The following TENM2 variants were observed in gnomAD, a reference collection of about 807,000 sequenced individuals.
The protein encoded by TENM2 is teneurin transmembrane protein 2, also known as teneurin-2.
Under a neutral mutation model 245.2 loss-of-function variants are expected in TENM2, and 52 were observed. The observed-to-expected ratio is 0.21, with a 90% CI of 0.17 to 0.27. TENM2 has a LOEUF of 0.27. Ranked by LOEUF, TENM2 falls within the 10% of genes least tolerant of loss-of-function variation. The pLI is 1.00. For missense variants in TENM2, 3,046 were observed against 3,666.8 expected (o/e 0.83, Z 4.37); for synonymous variants, 1,363 against 1,438.9 (o/e 0.95, Z 1.19).
chr5:168,080,813 TG>T (rs1205170075), intron 7 of TENM2, among the ~76,000 whole-genome samples: 2 of 152,242 alleles, frequency 1.3e-5, no homozygotes, highest in Non-Finnish European at 2.9e-5. Flanking sequence ...TTATCATTTC[TG>T]TTCTTTTACA....
At chr5:167,720,645 A>T (rs562555887) in intron 2 of TENM2, among the ~76,000 whole-genome samples, 86 of 152,324 alleles carry the variant, frequency 5.6e-4, no homozygotes, top group African/African-American at 1.8e-3. Flanking sequence ...TTTTCTCTGA[A>T]ATATTGCATT....
intron 23 of TENM2, among the ~76,000 whole-genome samples, chr5:168,221,680 C>A (rs1261167891): frequency 1.3e-5 from 2 of 152,182 alleles, no homozygotes; most frequent in African/African-American, 4.8e-5. Flanking sequence ...TCCAGGACAT[C>A]CAACCGTGGA....
rs764332651 is a variant in TENM2 at position 168,244,629 on chromosome 5, C to T, written c.5730C>T (p.Ser1910=). ...CTGGGCTTCAGCGTGGGGCCATGAG[C>T]GAGAGGACAGACATCGACAAGCAAG... The change falls in exon 26 of 29, where the codon AGC becomes AGT. Residue 1910 remains serine (S), a synonymous_variant. Transcript: ENST00000518659. This position sits in a 1 kb window ranked among gnomAD's most constrained non-coding sequence, Gnocchi z 4.9. 14 of 1,584,434 alleles carry T rather than the reference C, an allele frequency of 8.8e-6. No individual in the cohort carries two copies. The highest frequency in any genetic ancestry group is 4.6e-5 in the South Asian group (4 of 87,820).
At chr5:167,336,114 A>G (rs1757737233) in intron 1 of TENM2, among the ~76,000 whole-genome samples, 1 of 150,514 alleles carries the variant, frequency 6.6e-6, no homozygotes, top group Non-Finnish European at 1.5e-5. Context: ...ACACATATAA[A>G]TGGTGCCTGC....
the TENM2 span, chr5:167,165,287 G>C: frequency 6.6e-6 from 1 of 152,186 alleles, no homozygotes; most frequent in African/African-American, 2.4e-5. Context: ...CATCAGAGTC[G>C]TGCAGTGACC....
At chr5:167,296,658 A>G (rs1182736436) in intron 1 of TENM2, 2 of 152,214 alleles carry the variant, frequency 1.3e-5, no homozygotes, top group African/African-American at 4.8e-5. Flanking sequence ...TTCAGGTGAC[A>G]CCAACAGCTG....
intron 2 of TENM2, among the ~76,000 whole-genome samples, chr5:167,751,954 A>G (rs560455230): frequency 5.0e-5 from 3 of 59,726 alleles, no homozygotes; most frequent in South Asian, 9.2e-4. Context: ...TGAAAATAAT[A>G]CACACACACA....
chr5:167,477,054 C>T (rs1281520066), intron 2 of TENM2, among the ~76,000 whole-genome samples: 1 of 152,090 alleles, frequency 6.6e-6, no homozygotes, highest in Non-Finnish European at 1.5e-5. Context: ...AGAACTAAAA[C>T]AATCATACAA....
chr5:167,932,693 T>C (rs909279197), intron 3 of TENM2, among the ~76,000 whole-genome samples: 3 of 152,138 alleles, frequency 2.0e-5, no homozygotes, highest in Admixed American at 2.0e-4. Context: ...AATTTTTTTT[T>C]CCTATGAAGA....
intron 2 of TENM2, among the ~76,000 whole-genome samples, chr5:167,385,691 T>C (rs1004292902): frequency 7.2e-5 from 11 of 151,996 alleles, no homozygotes; most frequent in South Asian, 4.1e-4. Context: ...CCAAAGTCCA[T>C]TGTGTCTTTC....
chr5:167,770,276 G>A (rs1763316492), intron 2 of TENM2, among the ~76,000 whole-genome samples: 1 of 152,098 alleles, frequency 6.6e-6, no homozygotes, highest in South Asian at 2.1e-4. Context: ...TTAAGAATGA[G>A]TATTCCAGAC....
intron 1 of TENM2, chr5:167,306,148 C>T (rs911854500): frequency 6.6e-6 from 1 of 152,118 alleles, no homozygotes; most frequent in African/African-American, 2.4e-5. Flanking sequence ...GTTGTTCAAA[C>T]GCTAAAGGCA....
chr5:167,404,132 A>G lies in TENM2; in HGVS notation c.502+28659A>G, dbSNP rs115154797. On this transcript the variant is annotated intron_variant, in intron 2 of 28. Transcript: ENST00000518659. Reference sequence around the variant, plus strand: ...ATTTTAAACCAATTTAACTCTCAAGATGTGCCATCTGTGCCTCTCCTCTTG... The same window carrying G: ...ATTTTAAACCAATTTAACTCTCAAGGTGTGCCATCTGTGCCTCTCCTCTTG... Among the ~76,000 whole-genome samples, 533 of 152,146 alleles carry G rather than the reference A, an allele frequency of 3.5e-3. 6 individuals carry two copies. The highest frequency in any genetic ancestry group is 0.012 in the African/African-American group (509 of 41,530).
the TENM2 span, among the ~76,000 whole-genome samples, chr5:167,226,875 A>G: frequency 6.6e-6 from 1 of 152,006 alleles, no homozygotes; most frequent in Non-Finnish European, 1.5e-5. Context: ...TGTTGGGTGC[A>G]TAAACATTTA....
chr5:167,123,155 A>T, the TENM2 span, among the ~76,000 whole-genome samples: 2 of 151,664 alleles, frequency 1.3e-5, no homozygotes, highest in African/African-American at 4.8e-5. Flanking sequence ...AAAAAAAAAA[A>T]AAAAATTAGC....
chr5:167,752,834 G>T (rs2150657033), intron 2 of TENM2, among the ~76,000 whole-genome samples: 1 of 152,296 alleles, frequency 6.6e-6, no homozygotes, highest in East Asian at 1.9e-4. Context: ...GGAGAGCTGT[G>T]AACTGATTTT....
chr5:167,457,456 C>T (rs1489003687), intron 2 of TENM2, among the ~76,000 whole-genome samples: 1 of 152,058 alleles, frequency 6.6e-6, no homozygotes, highest in Non-Finnish European at 1.5e-5. Flanking sequence ...CCTTGAGTAG[C>T]TCCTGCCTCC....
the TENM2 span, among the ~76,000 whole-genome samples, chr5:167,227,657 A>G: frequency 6.6e-6 from 1 of 152,306 alleles, no homozygotes; most frequent in South Asian, 2.1e-4. Flanking sequence ...TTATAGGTGA[A>G]GAAAGGCTTT....
At chr5:167,604,558 T>A (rs538426074) in intron 2 of TENM2, among the ~76,000 whole-genome samples, 3 of 152,190 alleles carry the variant, frequency 2.0e-5, no homozygotes, top group Admixed American at 1.3e-4. Flanking sequence ...AATAATTTCT[T>A]ATGTTGGATT....
Sources: allele counts gnomAD v4.1 joint callset (sites outside exome capture counted in the v4.1 genomes callset), GRCh38; gene constraint gnomAD v4.1.1; non-coding constraint Gnocchi (gnomAD v3.1); transcripts MANE v1.5; gene names NCBI Gene and HGNC (gene_info 2026-07-23, HGNC 2026-07-21).